The following CCDC13 variants were observed in gnomAD, a reference collection of about 807,000 sequenced individuals.
CCDC13 encodes the protein coiled-coil domain containing 13.
Under a neutral mutation model 87.3 loss-of-function variants are expected in CCDC13, and 70 were observed. The ratio of observed to expected loss-of-function variants is 0.80; its 90% CI spans 0.66 to 0.98. The LOEUF (loss-of-function observed/expected upper bound fraction) is 0.98. CCDC13 is among the 50% of genes least tolerant of loss of function. CCDC13 has a pLI of 0.00. For synonymous variants in CCDC13, 317 were observed against 360.3 expected, an observed-to-expected ratio of 0.88 and a Z score of 1.36; for missense variants, 842 against 892.0, an observed-to-expected ratio of 0.94 and a Z score of 0.71.
At position 42,735,745 on chromosome 3, in the gene CCDC13, G is replaced by C. The variant is rs564647857; in HGVS notation, c.1333C>G (p.Arg445Gly). 1.9e-6 allele frequency: 3 copies of C among 1,614,076 alleles called. No homozygotes were observed. Among genetic ancestry groups the C allele is most frequent in the Non-Finnish European group, 2.5e-6 (3 of 1,180,054 alleles). ...AMVAEREAKV[R>G]QLEMEIGQLN... The stretch of plus-strand genomic sequence containing the variant: ...TGTCCGATCTCCATCTCCAGCTGTC[G>C]CACTTTGGCCTCCCGCTCAGCTACC... Residue 445 changes from arginine (R) to glycine (G), a missense_variant, in exon 10 of 16, where the codon CGA (arginine) becomes GGA (glycine). Arg to Gly is a moderately radical substitution (Grantham distance 125, BLOSUM62 -2). Coordinates refer to ENST00000310232, the MANE Select transcript of CCDC13 (RefSeq NM_144719.4).
chr3:42,707,036 G>C lies in CCDC13; in HGVS notation c.*1944C>G, dbSNP rs1460469925. 6.6e-6 allele frequency among the ~76,000 whole-genome samples: 1 copy of C among 152,186 alleles called. No individual in the cohort carries two copies. Among genetic ancestry groups the C allele is most frequent in the Non-Finnish European group, 1.5e-5 (1 of 68,038 alleles). ...CAGCAGAACCACCCTGAAGTGGCTGGAGTGTGGGTCACACCATCTCTGCAC... is the reference window on the plus strand; with the variant it reads ...CAGCAGAACCACCCTGAAGTGGCTGCAGTGTGGGTCACACCATCTCTGCAC... On this transcript the variant is annotated 3_prime_UTR_variant, in exon 16 of 16. Coordinates refer to ENST00000310232, the MANE Select transcript of CCDC13 (RefSeq NM_144719.4).
intron 3 of CCDC13, 100 bp from the exon 4 acceptor site, chr3:42,752,817 G>A (rs1699619832): frequency 6.9e-7 from 1 of 1,444,058 alleles, no homozygotes; most frequent in East Asian, 2.3e-5. Flanking sequence ...AGCTAAAGCT[G>A]CTTGGCATGA....
chr3:42,747,466 C>A, intron 5 of CCDC13, 93 bp from the exon 6 acceptor site: 1 of 888,028 alleles, frequency 1.1e-6, no homozygotes, highest in Non-Finnish European at 1.8e-6. Context: ...GTGCCAGGCA[C>A]TGTGCTAAGT....
intron 5 of CCDC13, among the ~76,000 whole-genome samples, chr3:42,749,524 A>G (rs1342020346): frequency 6.6e-6 from 1 of 152,206 alleles, no homozygotes; most frequent in Non-Finnish European, 1.5e-5. Context: ...GCAGGTCCTG[A>G]TGGAGGGCAA....
intron 13 of CCDC13, among the ~76,000 whole-genome samples, chr3:42,727,146 C>G (rs952648066): frequency 2.6e-5 from 4 of 152,004 alleles, no homozygotes; most frequent in African/African-American, 9.7e-5. Context: ...CTGAGGCAGG[C>G]AGATCACCTG....
rs761777215 is a variant in CCDC13 at position 42,709,794 on chromosome 3, C to G, written c.1878G>C (p.Leu626=). 2 of 1,613,796 alleles carry G rather than the reference C, an allele frequency of 1.2e-6. No homozygotes were observed. The highest frequency in any genetic ancestry group is 1.7e-5 in the Admixed American group (1 of 60,026). ...GGTTGTGCCTGTTGTTAGAGGTGGG[C>G]AGACCTGTGGGGCAGCAGCAACCAC... The part of the protein sequence containing the change: ...QRAAPRTKTG[L]PTSNNRHNPT... Residue 626 remains leucine, a synonymous_variant, in exon 15 of 16, where the codon CTG becomes CTC. Transcript: ENST00000310232.
At chr3:42,728,625 T>A (rs1698747256) in intron 13 of CCDC13, among the ~76,000 whole-genome samples, 1 of 152,190 alleles carries the variant, frequency 6.6e-6, no homozygotes, top group Admixed American at 6.5e-5. Context: ...ATGGTTTTAG[T>A]TTAAAACATT....
intron 13 of CCDC13, among the ~76,000 whole-genome samples, chr3:42,720,414 G>A (rs1179359383): frequency 2.0e-5 from 3 of 152,214 alleles, no homozygotes; most frequent in Non-Finnish European, 2.9e-5. Context: ...ACGCTGGAAA[G>A]AGTCAGACCT....
At chr3:42,742,867 C>G in intron 8 of CCDC13, 29 bp downstream of exon 8, 1 of 1,612,014 alleles carries the variant, frequency 6.2e-7, no homozygotes, top group East Asian at 2.2e-5. Flanking sequence ...TTCCCACATG[C>G]CCAGCTGACC....
At chr3:42,720,568 C>T (rs1018668700) in intron 13 of CCDC13, among the ~76,000 whole-genome samples, 1 of 152,180 alleles carries the variant, frequency 6.6e-6, no homozygotes, top group Non-Finnish European at 1.5e-5. Context: ...AACAGTTTTA[C>T]ATGCGAGGTG....
rs1193494278 is a variant in CCDC13, at chr3:42,707,949, C to T, written c.*1031G>A. ...TACAGCTGAGAAAGGGCAACACTGA[C>T]AGTCATAGAGGCCTGCGGATCTTAG... is the stretch of plus-strand genomic sequence containing the variant. On this transcript the variant is annotated 3_prime_UTR_variant, in exon 16 of 16. Transcript: ENST00000310232. Among the ~76,000 whole-genome samples, 1 of 152,176 alleles carries T rather than the reference C, an allele frequency of 6.6e-6. No homozygotes were observed. Among genetic ancestry groups the T allele is most frequent in the Non-Finnish European group, 1.5e-5 (1 of 68,024 alleles).
At chr3:42,711,453 GA>G (rs1698312326) in intron 14 of CCDC13, among the ~76,000 whole-genome samples, 1 of 100,176 alleles carries the variant, frequency 1.0e-5, no homozygotes, top group Non-Finnish European at 2.0e-5. Flanking sequence ...TTCCTTAGCT[GA>G]AAAAAAGGAT....
intron 13 of CCDC13, among the ~76,000 whole-genome samples, chr3:42,722,044 C>T (rs1187491057): frequency 6.6e-6 from 1 of 152,254 alleles, no homozygotes; most frequent in African/African-American, 2.4e-5. Context: ...TTTTACTTAC[C>T]TTGCTTTACT....
intron 9 of CCDC13, among the ~76,000 whole-genome samples, chr3:42,738,741 G>T (rs1699111538): frequency 6.6e-6 from 1 of 152,000 alleles, no homozygotes; most frequent in South Asian, 2.1e-4. Flanking sequence ...GGAATGCTTG[G>T]GATTTTTGCA....
At position 42,773,180 on chromosome 3, in the gene CCDC13, GTC is replaced by G. The variant is rs1700181018; in HGVS notation, c.-13_-12del. On this transcript the variant is annotated 5_prime_UTR_variant, in exon 1 of 16. Coordinates refer to ENST00000310232, the MANE Select transcript of CCDC13 (RefSeq NM_144719.4). Reference sequence around the variant, plus strand: ...TCCGCTCTCCCCGGCACTTACAGCGGTCTCTCTCCACTTCTCCCTTCTAGGAC... The same window carrying G: ...TCCGCTCTCCCCGGCACTTACAGCGGTCTCTCCACTTCTCCCTTCTAGGAC... 1 of 152,208 alleles carries G rather than the reference GTC, an allele frequency of 6.6e-6. No individual in the cohort carries two copies. The highest frequency in any genetic ancestry group is 2.1e-4 in the South Asian group (1 of 4,830). 9.4% of individuals were successfully genotyped at this position (152,208 alleles called of 1,614,324 possible).
chr3:42,717,242 A>G (rs1490375011), intron 13 of CCDC13, among the ~76,000 whole-genome samples: 2 of 152,056 alleles, frequency 1.3e-5, no homozygotes, highest in Non-Finnish European at 2.9e-5. Flanking sequence ...CCTGGCCAAC[A>G]TGGCGAAACC....
At chr3:42,747,423 A>G in intron 5 of CCDC13, 50 bp from the exon 6 acceptor site, 1 of 1,220,570 alleles carries the variant, frequency 8.2e-7, no homozygotes, top group South Asian at 1.2e-5. Context: ...CCTACATGGG[A>G]ATAGTAATCA....
chr3:42,735,797 G>A lies in CCDC13; in HGVS notation c.1281C>T (p.Asn427=), dbSNP rs1698992487. The A allele has an allele frequency of 6.2e-7, 1 of 1,614,268 alleles. No individual in the cohort carries two copies. ...TGGCCTGCAGCTGGGCGACTAGGCT[G>A]TTGCTCCGCTGAGCCTCGCTGTTCA... The part of the protein sequence containing the change: ...QQLNSEAQRS[N]SLVAQLQAMV... The change falls in exon 10 of 16, where the codon AAC becomes AAT. Residue 427 remains asparagine (N), a synonymous_variant. Transcript: ENST00000310232.
At chr3:42,711,629 G>A (rs1698315831) in intron 14 of CCDC13, among the ~76,000 whole-genome samples, 1 of 152,170 alleles carries the variant, frequency 6.6e-6, no homozygotes, top group African/African-American at 2.4e-5. Flanking sequence ...GGGATCGGCA[G>A]GCCACATCCC....
Sources: allele counts gnomAD v4.1 joint callset (sites outside exome capture counted in the v4.1 genomes callset), GRCh38; gene constraint gnomAD v4.1.1; transcripts MANE v1.5; gene names NCBI Gene and HGNC (gene_info 2026-07-23, HGNC 2026-07-21).